Variants in CACNA1D observed in about 807,000 individuals in gnomAD.
CACNA1D encodes calcium voltage-gated channel subunit alpha1 D.
In CACNA1D, 55 loss-of-function variants were observed where a neutral mutation model predicts 257.1. The ratio of observed to expected loss-of-function variants is 0.21; its 90% CI spans 0.17 to 0.27. The LOEUF is 0.27. Ranked by LOEUF, CACNA1D falls within the 10% of genes least tolerant of loss-of-function variation. CACNA1D has a pLI of 1.00. For missense variants in CACNA1D, 1,876 were observed against 2,784.0 expected (o/e 0.67, Z 7.34); for synonymous variants, 980 against 1,014.9 (o/e 0.97, Z 0.65).
chr3:53,793,384 C>T lies in CACNA1D; in HGVS notation c.4923+6432C>T, dbSNP rs1365173239. Reference sequence around the variant, plus strand: ...CTCTGTCTGTCTTTGACCCACCCGACGTTGAGTTGATTCAGTGCTGAAGGA... The same window carrying T: ...CTCTGTCTGTCTTTGACCCACCCGATGTTGAGTTGATTCAGTGCTGAAGGA... On this transcript the variant is annotated intron_variant, in intron 40 of 47. Coordinates refer to ENST00000350061, the MANE Select transcript of CACNA1D (RefSeq NM_001128840.3). This position sits in a 1 kb window ranked among gnomAD's most constrained non-coding sequence, Gnocchi z 4.1. Among the ~76,000 whole-genome samples the T allele has an allele frequency of 2.0e-5, 3 of 152,198 alleles. No individual in the cohort carries two copies. The highest frequency in any genetic ancestry group is 4.1e-4 in the South Asian group (2 of 4,834).
intron 3 of CACNA1D, among the ~76,000 whole-genome samples, chr3:53,603,125 C>A (rs2093465803): frequency 6.6e-6 from 1 of 152,244 alleles, no homozygotes; most frequent in South Asian, 2.1e-4. Context: ...CTGTGCTCTT[C>A]ATTTTGGTTT....
chr3:53,619,636 CCTT>C (rs1271177539), intron 3 of CACNA1D, among the ~76,000 whole-genome samples: 2 of 152,172 alleles, frequency 1.3e-5, no homozygotes, highest in African/African-American at 4.8e-5. Flanking sequence ...ACATGTCTGA[CCTT>C]CTCCTTCCTC....
chr3:53,630,346 CTTG>C (rs1162020418), intron 3 of CACNA1D, among the ~76,000 whole-genome samples: 9 of 152,308 alleles, frequency 5.9e-5, no homozygotes, highest in African/African-American at 1.9e-4. Flanking sequence ...TTCTTTATCT[CTTG>C]TTGTTATACA....
intron 4 of CACNA1D, among the ~76,000 whole-genome samples, chr3:53,652,019 C>T (rs2094103006): frequency 6.6e-6 from 1 of 152,152 alleles, no homozygotes; most frequent in Non-Finnish European, 1.5e-5. Context: ...GTTAGCTTTT[C>T]AAACCGCCCC....
chr3:53,727,785 G>A (rs888096754), intron 15 of CACNA1D, among the ~76,000 whole-genome samples: 5 of 152,028 alleles, frequency 3.3e-5, no homozygotes, highest in African/African-American at 7.3e-5. Context: ...CATTTTAAAA[G>A]GTCCTAATCT....
intron 4 of CACNA1D, among the ~76,000 whole-genome samples, chr3:53,657,958 C>T (rs987659522): frequency 4.1e-4 from 62 of 152,338 alleles, no homozygotes; most frequent in African/African-American, 1.4e-3. Context: ...CAACTCTTAT[C>T]CCATGCCTCC....
At chr3:53,785,160 C>T (rs576032683) in intron 39 of CACNA1D, among the ~76,000 whole-genome samples, 5 of 152,272 alleles carry the variant, frequency 3.3e-5, no homozygotes, top group Admixed American at 6.5e-5. Flanking sequence ...GAGAGTACAG[C>T]GAGGGGTGAA....
chr3:53,495,403 C>G lies in CACNA1D; in HGVS notation c.67+170C>G, dbSNP rs1376706905. Among the ~76,000 whole-genome samples, 2 of 152,196 alleles carry G rather than the reference C, an allele frequency of 1.3e-5. No individual in the cohort carries two copies. The highest frequency in any genetic ancestry group is 2.9e-5 in the Non-Finnish European group (2 of 68,036). On this transcript the variant is annotated intron_variant, in intron 1 of 47. Transcript: ENST00000350061. This position sits in a 1 kb window ranked among gnomAD's most constrained non-coding sequence, Gnocchi z 5.1. ...ACATGCGTGACAGCCACTCCGCGCT[C>G]CCCTCCAGGCCCTGAATGTCAGAGT...
chr3:53,667,112 CCTTT>C lies in CACNA1D; in HGVS notation c.1116+580_1116+583del, dbSNP rs926201591. Among the ~76,000 whole-genome samples, 208 of 152,280 alleles carry C rather than the reference CCTTT, an allele frequency of 1.4e-3. 2 individuals are homozygous for C. The highest frequency in any genetic ancestry group is 4.8e-3 in the African/African-American group (198 of 41,534). ...CCCAGCACAAAACCTTAGCTGTCTT[CCTTT>C]CTATTTGAAGCTACAGACCTCTGGC... On this transcript the variant is annotated intron_variant, in intron 7 of 47. Coordinates refer to ENST00000350061, the MANE Select transcript of CACNA1D (RefSeq NM_001128840.3).
At position 53,753,700 on chromosome 3, in the gene CACNA1D, C is replaced by T; in HGVS notation, c.3786+18C>T. ...AGCCTAAGGTGAGTTGCAGAACCCACTTTTCAAAGGTTGTTGCTGAGTCAC... is the reference window on the plus strand; with the variant it reads ...AGCCTAAGGTGAGTTGCAGAACCCATTTTTCAAAGGTTGTTGCTGAGTCAC... On this transcript the variant is annotated intron_variant, in intron 29 of 47. Transcript: ENST00000350061. 6.8e-7 allele frequency: 1 copy of T among 1,470,122 alleles called. No individual in the cohort carries two copies. Among genetic ancestry groups the T allele is most frequent in the Non-Finnish European group, 9.5e-7 (1 of 1,048,276 alleles). 91.1% of individuals were successfully genotyped at this position (1,470,122 alleles called of 1,614,324 possible). A position where few individuals can be genotyped will look rare whatever the true frequency, so the allele number is the denominator to read the frequency against.
rs748472283 is a variant in CACNA1D at position 53,745,713 on chromosome 3, C to T, written c.3096C>T (p.Ile1032=). 1.1e-5 allele frequency: 17 copies of T among 1,613,258 alleles called. No homozygotes were observed. Among genetic ancestry groups the T allele is most frequent in the South Asian group, 8.8e-5 (8 of 91,064 alleles). The change falls in exon 24 of 48, where the codon ATC becomes ATT. Residue 1032 remains isoleucine (I), a synonymous_variant. Transcript: ENST00000350061. ...TTLLQFMFAC[I]GVQLFKGKFY... ...TCCTGCAGTTCATGTTTGCCTGTATCGGGGTCCAGTTGTTCAAGGTAGAGG... is the reference window on the plus strand; with the variant it reads ...TCCTGCAGTTCATGTTTGCCTGTATTGGGGTCCAGTTGTTCAAGGTAGAGG...
At chr3:53,642,674 A>C (rs1034511823) in intron 3 of CACNA1D, among the ~76,000 whole-genome samples, 1 of 152,244 alleles carries the variant, frequency 6.6e-6, no homozygotes, top group African/African-American at 2.4e-5. Flanking sequence ...ATGTCCTTGA[A>C]GCTGGGCTCC....
intron 3 of CACNA1D, among the ~76,000 whole-genome samples, chr3:53,546,736 G>C (rs1340093803): frequency 6.6e-6 from 1 of 152,192 alleles, no homozygotes; most frequent in African/African-American, 2.4e-5. Context: ...ATTACTAACT[G>C]CATTGCATCA....
At chr3:53,735,197 G>T (rs2095045445) in intron 19 of CACNA1D, among the ~76,000 whole-genome samples, 177 bp from the exon 20 acceptor site, 1 of 152,196 alleles carries the variant, frequency 6.6e-6, no homozygotes, top group Non-Finnish European at 1.5e-5. Flanking sequence ...GTTGCCTTTG[G>T]TGGGCTTCGA....
At chr3:53,640,141 C>T (rs1467689247) in intron 3 of CACNA1D, among the ~76,000 whole-genome samples, 1 of 152,022 alleles carries the variant, frequency 6.6e-6, no homozygotes, top group East Asian at 1.9e-4. Context: ...GGTTTACAGC[C>T]GTGAGCCACT....
At chr3:53,797,452 G>C (rs1005148465) in intron 40 of CACNA1D, among the ~76,000 whole-genome samples, 2 of 152,146 alleles carry the variant, frequency 1.3e-5, no homozygotes, top group Admixed American at 6.5e-5. Flanking sequence ...CTGACTCTCT[G>C]CTTCTGTGTC....
chr3:53,638,019 C>A, intron 3 of CACNA1D, among the ~76,000 whole-genome samples: 1 of 152,162 alleles, frequency 6.6e-6, no homozygotes, highest in African/African-American at 2.4e-5. Flanking sequence ...AAGGTATGAT[C>A]CGTGTTTCTA....
chr3:53,507,134 C>T (rs1019502420), intron 3 of CACNA1D, among the ~76,000 whole-genome samples: 1 of 149,188 alleles, frequency 6.7e-6, no homozygotes, highest in African/African-American at 2.5e-5. Context: ...TCAAAATGAC[C>T]AGAGTAGATG....
At chr3:53,687,330 A>C (rs1182660640) in intron 8 of CACNA1D, among the ~76,000 whole-genome samples, 1 of 152,142 alleles carries the variant, frequency 6.6e-6, no homozygotes, top group East Asian at 1.9e-4. Context: ...ATAAAAAATA[A>C]AGAAGGAGGG....
Sources: gnomAD v4.1 joint callset for allele counts (sites outside exome capture counted in the v4.1 genomes callset) on GRCh38, gnomAD v4.1.1 for gene constraint, Gnocchi (gnomAD v3.1) non-coding constraint, MANE v1.5 for transcripts, NCBI Gene and HGNC (gene_info 2026-07-23, HGNC 2026-07-21) for gene names.